Variants in GLRA2 observed in about 807,000 individuals in gnomAD.
The protein encoded by GLRA2 is glycine receptor subunit alpha-2.
Under a neutral mutation model 31.6 loss-of-function variants are expected in GLRA2, and 11 were observed. The observed-to-expected ratio is 0.35, with a 90% CI of 0.22 to 0.58. The LOEUF is 0.58. Ranked by LOEUF, GLRA2 falls within the 20% of genes least tolerant of loss-of-function variation. The probability of loss-of-function intolerance (pLI) is 0.84; values close to 1 mark genes in which losing one functional copy is unlikely to be tolerated. For synonymous variants in GLRA2, 132 were observed against 134.0 expected (o/e 0.99, Z 0.10); for missense variants, 212 against 351.8 (o/e 0.60, Z 3.18).
At chrX:14,517,753 T>C in the GLRA2 span, among the ~76,000 whole-genome samples, 1 of 110,933 alleles carries the variant, frequency 9.0e-6, no homozygotes, top group Non-Finnish European at 1.9e-5. Flanking sequence ...ATATTTCTAT[T>C]CTAAGATAAA....
At chrX:14,682,725 G>A (rs1411289476) in intron 7 of GLRA2, among the ~76,000 whole-genome samples, 3 of 78,048 alleles carry the variant, frequency 3.8e-5, no homozygotes, top group Admixed American at 1.6e-4. Flanking sequence ...GACAGGCCCC[G>A]GTGTGTGATG....
the GLRA2 span, among the ~76,000 whole-genome samples, chrX:14,501,188 T>C: frequency 9.0e-6 from 1 of 111,271 alleles, no homozygotes; most frequent in South Asian, 3.8e-4. Context: ...AGTAATGATC[T>C]ATCACTCAAC....
At chrX:14,574,140 T>G (rs1445829633) in intron 2 of GLRA2, among the ~76,000 whole-genome samples, 193 bp from the exon 3 acceptor site, 1 of 112,390 alleles carries the variant, frequency 8.9e-6, no homozygotes, top group Non-Finnish European at 1.9e-5. Flanking sequence ...CAGGGTAAGT[T>G]GCCATTGCTT....
chrX:14,483,437 C>T, the GLRA2 span, among the ~76,000 whole-genome samples: 83 of 112,102 alleles, frequency 7.4e-4, no homozygotes, highest in Admixed American at 2.1e-3. Flanking sequence ...CAATATCCTA[C>T]TTCATAGGGT....
intron 3 of GLRA2, among the ~76,000 whole-genome samples, chrX:14,578,169 G>T (rs1410942611): frequency 8.9e-6 from 1 of 111,989 alleles, no homozygotes; most frequent in Non-Finnish European, 1.9e-5. Context: ...ATTATTAAAA[G>T]TTTTAGTTTG....
intron 7 of GLRA2, among the ~76,000 whole-genome samples, chrX:14,678,585 G>A (rs1002945769): frequency 7.2e-5 from 8 of 111,549 alleles, no homozygotes; most frequent in Non-Finnish European, 1.3e-4. Flanking sequence ...CAGGTTGCTA[G>A]TGAGAAGAAA....
chrX:14,592,317 C>G (rs1343095123), intron 4 of GLRA2, among the ~76,000 whole-genome samples: 1 of 111,130 alleles, frequency 9.0e-6, no homozygotes, highest in Non-Finnish European at 1.9e-5. Flanking sequence ...AGAAGAGGAA[C>G]CTGATTTTGG....
chrX:14,480,984 G>C, the GLRA2 span, among the ~76,000 whole-genome samples: 2 of 109,790 alleles, frequency 1.8e-5, no homozygotes, highest in African/African-American at 6.6e-5. Flanking sequence ...CCATTTTAAC[G>C]ATATTGATTC....
chrX:14,451,243 A>G, the GLRA2 span, among the ~76,000 whole-genome samples: 1 of 111,416 alleles, frequency 9.0e-6, no homozygotes, highest in Admixed American at 9.6e-5. Context: ...AATCATGACT[A>G]TAAAGCAACC....
chrX:14,655,514 T>G (rs952878203), intron 7 of GLRA2, among the ~76,000 whole-genome samples: 1 of 111,597 alleles, frequency 9.0e-6, no homozygotes, highest in Admixed American at 9.5e-5. Flanking sequence ...GTTCTCCATG[T>G]TAAATCTCTG....
At chrX:14,597,529 T>C (rs2090219578) in intron 4 of GLRA2, among the ~76,000 whole-genome samples, 1 of 111,151 alleles carries the variant, frequency 9.0e-6, no homozygotes, top group African/African-American at 3.3e-5. Flanking sequence ...GCCAGGTCTA[T>C]CACCCAGGTT....
At chrX:14,454,197 CACA>C in the GLRA2 span, among the ~76,000 whole-genome samples, 3 of 23,646 alleles carry the variant, frequency 1.3e-4, no homozygotes, top group Non-Finnish European at 4.6e-4. Context: ...CCCACACACA[CACA>C]CACACACACA....
chrX:14,529,184 G>C (rs988813941), upstream of GLRA2: 1 of 109,911 alleles, frequency 9.1e-6, no homozygotes, highest in Non-Finnish European at 1.9e-5. Flanking sequence ...CCTGTTCTCT[G>C]TTTCCCCCAA....
intron 8 of GLRA2, among the ~76,000 whole-genome samples, chrX:14,703,831 C>T (rs183584887): frequency 5.9e-4 from 66 of 111,753 alleles, no homozygotes; most frequent in African/African-American, 2.1e-3. Flanking sequence ...CCCCATTTGG[C>T]AACCATGGTC....
chrX:14,529,091 G>T (rs1288782023), upstream of GLRA2, among the ~76,000 whole-genome samples: 1 of 111,271 alleles, frequency 9.0e-6, no homozygotes, highest in African/African-American at 3.3e-5. Flanking sequence ...CTTCTCTTCG[G>T]CACAGGACTC....
At chrX:14,648,536 A>G (rs2090856243) in intron 7 of GLRA2, among the ~76,000 whole-genome samples, 1 of 111,960 alleles carries the variant, frequency 8.9e-6, no homozygotes, top group African/African-American at 3.2e-5. Context: ...TTAAAATTAA[A>G]CTAACATTTA....
intron 4 of GLRA2, among the ~76,000 whole-genome samples, chrX:14,588,869 CT>C (rs2090110813): frequency 9.0e-6 from 1 of 111,368 alleles, no homozygotes; most frequent in Non-Finnish European, 1.9e-5. Context: ...CTTAATTTTA[CT>C]CTCAGCTGGA....
chrX:14,456,755 CTGT>C, the GLRA2 span, among the ~76,000 whole-genome samples: 1 of 112,313 alleles, frequency 8.9e-6, no homozygotes, highest in South Asian at 3.7e-4. Context: ...ATCCATTCAT[CTGT>C]TGTTGGGCAC....
chrX:14,471,481 T>C, the GLRA2 span, among the ~76,000 whole-genome samples: 1 of 112,073 alleles, frequency 8.9e-6, no homozygotes, highest in African/African-American at 3.2e-5. Flanking sequence ...ATGTAAACAG[T>C]ATATGGGAAA....
Sources: gnomAD v4.1 joint callset for allele counts (sites outside exome capture counted in the v4.1 genomes callset) on GRCh38, gnomAD v4.1.1 for gene constraint, MANE v1.5 for transcripts, NCBI Gene and HGNC (gene_info 2026-07-23, HGNC 2026-07-21) for gene names.